Variants in DZIP3 observed in about 807,000 individuals in gnomAD.
The protein encoded by DZIP3 is E3 ubiquitin-protein ligase DZIP3.
DZIP3 carries 118 observed loss-of-function variants against 162.0 expected under a neutral mutation model. That is an observed-to-expected ratio of 0.73 (90% CI 0.63 to 0.85). The LOEUF (loss-of-function observed/expected upper bound fraction) is 0.85. DZIP3 is among the 40% of genes least tolerant of loss of function. The pLI is 0.00. For missense variants in DZIP3, 1,331 were observed against 1,407.0 expected, an observed-to-expected ratio of 0.95 and a Z score of 0.86; for synonymous variants, 438 against 458.6, an observed-to-expected ratio of 0.96 and a Z score of 0.57.
At chr3:108,636,861 G>A (rs934425798) in intron 11 of DZIP3, among the ~76,000 whole-genome samples, 153 bp downstream of exon 11, 2 of 151,426 alleles carry the variant, frequency 1.3e-5, no homozygotes, top group South Asian at 4.2e-4. Flanking sequence ...TTATTACCAT[G>A]ATTTATACAA....
intron 18 of DZIP3, among the ~76,000 whole-genome samples, chr3:108,653,062 G>GT (rs1942935891): frequency 6.6e-6 from 1 of 151,870 alleles, no homozygotes; most frequent in African/African-American, 2.4e-5. Context: ...TATTTTTACA[G>GT]TTGTAGGGGT....
intron 5 of DZIP3, among the ~76,000 whole-genome samples, chr3:108,619,852 TCA>T (rs936885335): frequency 5.3e-5 from 8 of 151,304 alleles, no homozygotes; most frequent in African/African-American, 1.9e-4. Flanking sequence ...GGTGTACCCC[TCA>T]CACAGTTTCC....
Position 108,644,436 on chromosome 3 carries a change from GCT to G in DZIP3, c.1417_1418del (p.Leu473TyrfsTer22). Reference protein sequence around the residue: ...SKQFDLCLLLALIKHLNVFPA... With the variant: ...SKQFDLCLLLXLIKHLNVFPA... ...ACAGTTTGACTTATGCCTCCTGTTA[GCT>G]CTTATAAAACATTTAAATGTGTTCC... On this transcript the variant is annotated frameshift_variant, in exon 14 of 33. Transcript: ENST00000361582. LOFTEE classifies it high-confidence loss of function. The G allele has an allele frequency of 1.9e-6, 3 of 1,614,016 alleles. No individual in the cohort carries two copies. The highest frequency in any genetic ancestry group is 2.5e-6 in the Non-Finnish European group (3 of 1,179,976).
intron 1 of DZIP3, among the ~76,000 whole-genome samples, chr3:108,591,189 A>T (rs772259150): frequency 6.6e-6 from 1 of 152,230 alleles, no homozygotes; most frequent in Non-Finnish European, 1.5e-5. Context: ...CTAAAGTGGG[A>T]TACTGTATGC....
At position 108,611,221 on chromosome 3, in the gene DZIP3, A is replaced by G. The variant is rs375515869; in HGVS notation, c.150A>G (p.Leu50=). 1.8e-5 allele frequency: 29 copies of G among 1,610,730 alleles called. No individual in the cohort carries two copies. The African/African-American group carries it at 2.3e-4, about 13-fold the overall frequency. The stretch of plus-strand genomic sequence containing the variant: ...CTACTGATCTTGTCCCTGTTAACCT[A>G]CTATTAGAAGTGAAGAAGTTATTAA... ...DIPTDLVPVN[L]LLEVKKLLNA... is the part of the protein sequence containing the mutation. Residue 50 remains leucine (L), a synonymous_variant, in exon 4 of 33, where the codon CTA becomes CTG. Coordinates refer to ENST00000361582, the MANE Select transcript of DZIP3 (RefSeq NM_014648.4).
chr3:108,589,889 C>G (rs958088525), intron 1 of DZIP3, 50 bp downstream of exon 1: 1 of 152,584 alleles, frequency 6.6e-6, no homozygotes, highest in Non-Finnish European at 1.5e-5. Context: ...TTGAGGCGGC[C>G]TGGGAGGGGC....
At position 108,693,344 on chromosome 3, in the gene DZIP3, A is replaced by T. The variant is rs1214341695; in HGVS notation, c.*7-16A>T. 6.6e-6 allele frequency: 1 copy of T among 152,140 alleles called. No individual in the cohort carries two copies. Among genetic ancestry groups the T allele is most frequent in the Non-Finnish European group, 1.5e-5 (1 of 68,026 alleles). 9.4% of individuals were successfully genotyped at this position (152,140 alleles called of 1,614,324 possible). ...ATATCTCAATATTCCCCATTCTTTTATATCCCCTTAAATAGGTACCCATGA... is the reference window on the plus strand; with the variant it reads ...ATATCTCAATATTCCCCATTCTTTTTTATCCCCTTAAATAGGTACCCATGA... On this transcript the variant is annotated splice_polypyrimidine_tract_variant and intron_variant, in intron 32 of 32. Coordinates refer to ENST00000361582, the MANE Select transcript of DZIP3 (RefSeq NM_014648.4).
intron 4 of DZIP3, among the ~76,000 whole-genome samples, chr3:108,613,163 G>A: frequency 6.6e-6 from 1 of 150,646 alleles, no homozygotes; most frequent in Middle Eastern, 3.4e-3. Context: ...GAATGGAATA[G>A]TACATGTAGG....
chr3:108,653,769 G>A (rs1942980645), intron 18 of DZIP3, among the ~76,000 whole-genome samples: 1 of 151,886 alleles, frequency 6.6e-6, no homozygotes, highest in East Asian at 1.9e-4. Flanking sequence ...AACAAAGAAT[G>A]TTATGATGGT....
intron 21 of DZIP3, among the ~76,000 whole-genome samples, chr3:108,665,186 T>G (rs1943617383): frequency 6.6e-6 from 1 of 152,178 alleles, no homozygotes; most frequent in Non-Finnish European, 1.5e-5. Context: ...TGACAAAGAT[T>G]TTAAAGCAAC....
chr3:108,624,425 CAT>C lies in DZIP3; in HGVS notation c.376-16_376-15del, dbSNP rs1941502584. 2 of 1,405,708 alleles carry C rather than the reference CAT, an allele frequency of 1.4e-6. No individual in the cohort carries two copies. The highest frequency in any genetic ancestry group is 2.0e-6 in the Non-Finnish European group (2 of 997,162). The allele number at this position is 1,405,708 out of a possible 1,614,324, so 87.1% of individuals were successfully genotyped here. A position where few individuals can be genotyped will look rare whatever the true frequency, so the allele number is the denominator to read the frequency against. On this transcript the variant is annotated splice_polypyrimidine_tract_variant and intron_variant, in intron 5 of 32. Coordinates refer to ENST00000361582, the MANE Select transcript of DZIP3 (RefSeq NM_014648.4). ...TAGCTTAGTCTAAATAACCAATTAA[CAT>C]ATTTTTTTCTTTGTAGGCACACCAG...
intron 28 of DZIP3, among the ~76,000 whole-genome samples, chr3:108,687,653 G>A (rs983794247): frequency 2.6e-5 from 4 of 152,160 alleles, no homozygotes; most frequent in African/African-American, 9.7e-5. Context: ...AGAACCCAAT[G>A]CATAAATAAG....
At position 108,644,273 on chromosome 3, in the gene DZIP3, ACCT is replaced by A; in HGVS notation, c.1256_1258del (p.Pro419del). On this transcript the variant is annotated inframe_deletion, in exon 14 of 33. Transcript: ENST00000361582. ...GACAAATATTTGATGAGGCTATGCC[ACCT>A]CCTCTTTTGAAAAAAGAGCTTCTTA... 6.2e-7 allele frequency: 1 copy of A among 1,613,942 alleles called. No homozygotes were observed. Among genetic ancestry groups the A allele is most frequent in the Non-Finnish European group, 8.5e-7 (1 of 1,179,940 alleles).
intron 26 of DZIP3, 87 bp downstream of exon 26, chr3:108,677,685 AAC>A: frequency 8.4e-7 from 1 of 1,192,824 alleles, no homozygotes; most frequent in Non-Finnish European, 1.2e-6. Flanking sequence ...CAGTATGTTT[AAC>A]GTGTGTTCAA....
intron 8 of DZIP3, among the ~76,000 whole-genome samples, chr3:108,631,045 ACACACACACACTCTCTCTCTCTCT>A (rs1941821725): frequency 1.2e-5 from 1 of 81,858 alleles, no homozygotes; most frequent in Admixed American, 1.4e-4. Context: ...ACACACACAC[ACACACACACACTCTCTCTCTCTCT>A]CTCTCTCTCT....
At chr3:108,591,451 A>AT (rs1939414701) in intron 1 of DZIP3, among the ~76,000 whole-genome samples, 3 of 152,226 alleles carry the variant, frequency 2.0e-5, no homozygotes, top group African/African-American at 7.2e-5. Context: ...GCCCAGGGTA[A>AT]TGCGCAAAGC....
At chr3:108,679,388 C>T (rs1944223453) in intron 26 of DZIP3, among the ~76,000 whole-genome samples, 1 of 151,924 alleles carries the variant, frequency 6.6e-6, no homozygotes, top group Admixed American at 6.6e-5. Context: ...ACATGTCTTA[C>T]CCGGGTTTAG....
chr3:108,642,568 C>T, intron 13 of DZIP3, 54 bp downstream of exon 13: 1 of 1,395,054 alleles, frequency 7.2e-7, no homozygotes, highest in South Asian at 1.4e-5. Flanking sequence ...AAATTTTTGA[C>T]TTCTCTGTCA....
At chr3:108,687,864 G>T in intron 28 of DZIP3, 112 bp from the exon 29 acceptor site, 1 of 1,393,052 alleles carries the variant, frequency 7.2e-7, no homozygotes, top group African/African-American at 1.4e-5. Flanking sequence ...AGTCCTGTCT[G>T]TATGCTACAT....
Sources: gnomAD v4.1 joint callset for allele counts (sites outside exome capture counted in the v4.1 genomes callset) on GRCh38, gnomAD v4.1.1 for gene constraint, MANE v1.5 for transcripts, NCBI Gene and HGNC (gene_info 2026-07-23, HGNC 2026-07-21) for gene names.